Variants in PCDH15 observed in about 807,000 individuals in gnomAD.
PCDH15 encodes protocadherin-15.
A neutral mutation model predicts 178.5 loss-of-function variants in PCDH15; 129 were observed. That is an observed-to-expected ratio of 0.72 (90% CI 0.63 to 0.84). The LOEUF is 0.84. Ranked by LOEUF, PCDH15 falls within the 40% of genes least tolerant of loss-of-function variation. The pLI is 0.00. For synonymous variants in PCDH15, 800 were observed against 732.0 expected (o/e 1.09, Z -1.50); for missense variants, 2,230 against 2,099.9 (o/e 1.06, Z -1.21).
chr10:53,991,200 C>T (rs572412796), intron 21 of PCDH15, among the ~76,000 whole-genome samples: 90 of 152,286 alleles, frequency 5.9e-4, no homozygotes, highest in Admixed American at 1.6e-3. Context: ...AGAGCGGGCG[C>T]GCGGTGCGGG....
chr10:53,809,369 C>T, intron 37 of PCDH15: 2 of 1,613,964 alleles, frequency 1.2e-6, no homozygotes, highest in African/African-American at 1.3e-5. Flanking sequence ...TCAACGATTC[C>T]TCTTTTATCA....
chr10:54,184,864 T>C (rs1233695748), intron 12 of PCDH15, among the ~76,000 whole-genome samples: 2 of 152,072 alleles, frequency 1.3e-5, no homozygotes, highest in Non-Finnish European at 2.9e-5. Context: ...TATGACTGTT[T>C]AGTAAAGACT....
At chr10:54,025,562 G>A (rs529045290) in intron 18 of PCDH15, among the ~76,000 whole-genome samples, 6 of 150,620 alleles carry the variant, frequency 4.0e-5, no homozygotes, top group African/African-American at 1.2e-4. Context: ...GCAGTGGTGC[G>A]ATCTCGGCTC....
At chr10:54,907,600 G>C (rs187698140) in intron 2 of PCDH15, among the ~76,000 whole-genome samples, 24 of 152,130 alleles carry the variant, frequency 1.6e-4, no homozygotes, top group Non-Finnish European at 2.9e-5. Flanking sequence ...TCATTGTTAA[G>C]GCCCCCTGGG....
At chr10:53,952,885 G>A (rs927068732) in intron 23 of PCDH15, among the ~76,000 whole-genome samples, 39 of 152,366 alleles carry the variant, frequency 2.6e-4, no homozygotes, top group African/African-American at 7.2e-4. Flanking sequence ...GACAATGCTC[G>A]GGGCTTGATG....
chr10:54,104,720 C>T (rs544683543), intron 15 of PCDH15, among the ~76,000 whole-genome samples: 74 of 151,872 alleles, frequency 4.9e-4, no homozygotes, highest in African/African-American at 1.7e-3. Context: ...GCCTGTAGTC[C>T]CAGCTACTCA....
At chr10:55,020,539 T>C (rs1229762615) in intron 2 of PCDH15, among the ~76,000 whole-genome samples, 1 of 152,160 alleles carries the variant, frequency 6.6e-6, no homozygotes, top group Admixed American at 6.6e-5. Flanking sequence ...AAGGGATTTA[T>C]TTGTTAATCT....
intron 2 of PCDH15, among the ~76,000 whole-genome samples, chr10:55,147,895 T>C (rs1838575260): frequency 6.6e-6 from 1 of 151,696 alleles, no homozygotes; most frequent in Non-Finnish European, 1.5e-5. Flanking sequence ...TACTCTTCAA[T>C]TTTGAGGATT....
intron 3 of PCDH15, among the ~76,000 whole-genome samples, chr10:54,818,734 A>G (rs532925626): frequency 2.6e-5 from 4 of 151,962 alleles, no homozygotes; most frequent in African/African-American, 9.7e-5. Flanking sequence ...TCCATCTACT[A>G]TCTGACTGAA....
chr10:54,370,999 T>G (rs551452741), intron 4 of PCDH15, among the ~76,000 whole-genome samples: 1 of 151,876 alleles, frequency 6.6e-6, no homozygotes, highest in East Asian at 1.9e-4. Context: ...CTCTGTGTTT[T>G]TATATCTACT....
upstream of PCDH15, among the ~76,000 whole-genome samples, chr10:55,321,664 G>A (rs2132300229): frequency 6.6e-6 from 1 of 152,262 alleles, no homozygotes; most frequent in South Asian, 2.1e-4. Context: ...CCTTTCAGTG[G>A]AAACCCTATA....
At chr10:54,134,501 C>T (rs2042720070) in intron 14 of PCDH15, among the ~76,000 whole-genome samples, 1 of 152,014 alleles carries the variant, frequency 6.6e-6, no homozygotes, top group Non-Finnish European at 1.5e-5. Flanking sequence ...CACCTGTAAT[C>T]CCAGCACTTT....
chr10:54,722,099 G>A (rs1332479303), intron 1 of PCDH15, among the ~76,000 whole-genome samples: 1 of 151,598 alleles, frequency 6.6e-6, no homozygotes, highest in East Asian at 1.9e-4. Context: ...CACATAAAGA[G>A]AACTAAAATA....
intron 1 of PCDH15, among the ~76,000 whole-genome samples, chr10:54,713,428 C>A (rs565269012): frequency 2.2e-4 from 33 of 152,098 alleles, no homozygotes; most frequent in Non-Finnish European, 4.1e-4. Flanking sequence ...AATATTCTAC[C>A]TTTCATAGTA....
intron 21 of PCDH15, among the ~76,000 whole-genome samples, chr10:53,968,399 T>G (rs1414469852): frequency 2.0e-5 from 3 of 152,312 alleles, no homozygotes; most frequent in South Asian, 2.1e-4. Context: ...GAGGCCTGCC[T>G]GCCTCTGTAG....
At chr10:54,328,532 T>C (rs936819045) in intron 7 of PCDH15, among the ~76,000 whole-genome samples, 1 of 152,052 alleles carries the variant, frequency 6.6e-6, no homozygotes, top group Non-Finnish European at 1.5e-5. Flanking sequence ...TTGACACATA[T>C]GGACTTCCTC....
chr10:54,847,033 A>G (rs888971794), intron 3 of PCDH15, among the ~76,000 whole-genome samples: 1 of 152,164 alleles, frequency 6.6e-6, no homozygotes, highest in Admixed American at 6.5e-5. Flanking sequence ...AATTGCTTAG[A>G]ATTCTTGGCC....
chr10:54,968,914 C>T (rs1838863423), intron 2 of PCDH15, among the ~76,000 whole-genome samples: 1 of 152,088 alleles, frequency 6.6e-6, no homozygotes, highest in South Asian at 2.1e-4. Context: ...TCTGTTAATC[C>T]TATCCAGTAT....
At chr10:55,601,512 A>G (rs1171786588) in intron 2 of PCDH15, among the ~76,000 whole-genome samples, 1 of 152,228 alleles carries the variant, frequency 6.6e-6, no homozygotes, top group African/African-American at 2.4e-5. Flanking sequence ...ATACAAGACT[A>G]GGATTTTTAC....
Sources: gnomAD v4.1 joint callset for allele counts (sites outside exome capture counted in the v4.1 genomes callset) on GRCh38, gnomAD v4.1.1 for gene constraint, MANE v1.5 for transcripts, NCBI Gene and HGNC (gene_info 2026-07-23, HGNC 2026-07-21) for gene names.